The following PEX6 variants were observed in gnomAD, a reference collection of about 807,000 sequenced individuals.
The protein encoded by PEX6 is peroxisomal biogenesis factor 6, also known as peroxisome biogenesis factor 6.
PEX6 carries 55 observed loss-of-function variants against 85.6 expected under a neutral mutation model. The observed-to-expected ratio is 0.64, with a 90% confidence interval of 0.52 to 0.80. The LOEUF (loss-of-function observed/expected upper bound fraction) is 0.80. Ranked by LOEUF, PEX6 falls within the 30% of genes least tolerant of loss-of-function variation. PEX6 has a pLI of 0.00. For synonymous variants in PEX6, 519 were observed against 549.1 expected (o/e 0.95, Z 0.77); for missense variants, 1,099 against 1,260.3 (o/e 0.87, Z 1.94).
In PEX6 at chr6:42,974,912, A is replaced by C; in HGVS notation, c.1009T>G (p.Tyr337Asp). The C allele has an allele frequency of 6.2e-7, 1 of 1,614,058 alleles. No individual in the cohort carries two copies. The highest frequency in any genetic ancestry group is 8.5e-7 in the Non-Finnish European group (1 of 1,179,960). Residue 337 changes from tyrosine (Y) to aspartate (D), a missense_variant, in exon 2 of 17, where the codon TAT (tyrosine) becomes GAT (aspartate). Tyr to Asp is a radical substitution (Grantham distance 160, BLOSUM62 -3). Around this residue, in one of 3 missense-constraint regions of PEX6, gnomAD observed 579 missense variants for 611.6 expected, o/e 0.95. Transcript: ENST00000304611. The part of the protein sequence containing the change: ...SSPHYSTNGN[Y>D]DGVLYRHFQI... The stretch of plus-strand genomic sequence containing the variant: ...AAGTGCCGGTAAAGAACACCGTCAT[A>C]ATTTCCATTAGTGCTGTAGTGGGGA...
At chr6:42,972,306 A>T (rs1182703396) in intron 3 of PEX6, among the ~76,000 whole-genome samples, 1 of 152,202 alleles carries the variant, frequency 6.6e-6, no homozygotes, top group Non-Finnish European at 1.5e-5. Context: ...TCCTCCCTAC[A>T]CATAAGGCTA....
intron 2 of PEX6, among the ~76,000 whole-genome samples, chr6:42,974,453 T>TTC (rs1770193098): frequency 8.4e-6 from 1 of 119,720 alleles, no homozygotes; most frequent in Non-Finnish European, 1.7e-5. Context: ...TTTTTTTTGT[T>TTC]TTTTTTTTTT....
chr6:42,969,137 G>T (rs1280631524), intron 5 of PEX6, 152 bp from the exon 6 acceptor site: 1 of 660,398 alleles, frequency 1.5e-6, no homozygotes, highest in Non-Finnish European at 2.8e-6. Flanking sequence ...CCCATGTAGT[G>T]AGGCTGTGTC....
intron 1 of PEX6, among the ~76,000 whole-genome samples, chr6:42,976,634 A>G (rs1417929134): frequency 6.6e-6 from 1 of 150,950 alleles, no homozygotes; most frequent in Admixed American, 6.6e-5. Context: ...AAGTGCTGGG[A>G]TTACAGGCAT....
chr6:42,966,201 C>T (rs1769795783), intron 11 of PEX6, 41 bp downstream of exon 11: 4 of 1,609,880 alleles, frequency 2.5e-6, no homozygotes, highest in Non-Finnish European at 3.4e-6. Flanking sequence ...CCTGCTGCAG[C>T]CCCTGATCCA....
Position 42,965,716 on chromosome 6 carries a change from C to T in PEX6, c.2436G>A (p.Arg812=), listed in dbSNP as rs61732156. The change falls in exon 13 of 17, where the codon CGG becomes CGA. Residue 812 remains arginine (R), a synonymous_variant. Coordinates refer to ENST00000304611, the MANE Select transcript of PEX6 (RefSeq NM_000287.4). The surrounding 1 kb of genome is among the most constrained non-coding windows in gnomAD (Gnocchi z 5.0). ...FDELDSLAPS[R]GRSGDSGGVM... is the part of the protein sequence containing the mutation. ...CTCCTCCAGAATCTCCACTTCGCCC[C>T]CGGCTTGGGGCCAAAGAGTCCAGTT... 3.0e-4 allele frequency: 491 copies of T among 1,614,138 alleles called. No homozygotes were observed. In the African/African-American group the frequency reaches 5.7e-3, roughly 19 times the overall value.
At chr6:42,975,334 A>G (rs192539494) in intron 1 of PEX6, among the ~76,000 whole-genome samples, 12 of 152,308 alleles carry the variant, frequency 7.9e-5, no homozygotes, top group African/African-American at 2.4e-4. Flanking sequence ...ATTTATTCCC[A>G]CAAGACCTAT....
chr6:42,978,420 A>G lies in PEX6; in HGVS notation c.731T>C (p.Val244Ala), dbSNP rs773850071. Reference sequence around the variant, plus strand: ...AGAGAGGTCCCAGCGAGGTTCTAGGACCTGCACCCTAGCCAAGTGCGGCTG... The same window carrying G: ...AGAGAGGTCCCAGCGAGGTTCTAGGGCCTGCACCCTAGCCAAGTGCGGCTG... ...TSQPHLARVQ[V>A]LEPRWDLSDR... Residue 244 changes from valine (V) to alanine (A), a missense_variant, in exon 1 of 17, where the codon GTC becomes GCC. Transcript: ENST00000304611. The G allele has an allele frequency of 2.5e-6, 4 of 1,613,614 alleles. No individual in the cohort carries two copies. The African/African-American group carries it at 5.4e-5, about 22-fold the overall frequency.
chr6:42,977,649 G>A (rs1305404129), intron 1 of PEX6, among the ~76,000 whole-genome samples: 1 of 150,650 alleles, frequency 6.6e-6, no homozygotes, highest in Non-Finnish European at 1.5e-5. Flanking sequence ...GCGTCGTGGC[G>A]CGAGCCAGTA....
chr6:42,964,460 CT>C lies in PEX6; in HGVS notation c.2817del (p.Gly940ValfsTer5). 1 of 1,613,666 alleles carries C rather than the reference CT, an allele frequency of 6.2e-7. No individual in the cohort carries two copies. Among genetic ancestry groups the C allele is most frequent in the Non-Finnish European group, 8.5e-7 (1 of 1,180,022 alleles). On this transcript the variant is annotated frameshift_variant, in exon 17 of 17. Coordinates refer to ENST00000304611, the MANE Select transcript of PEX6 (RefSeq NM_000287.4). LOFTEE classifies it high-confidence loss of function. The surrounding 1 kb of genome is among the most constrained non-coding windows in gnomAD (Gnocchi z 4.6). The part of the protein sequence containing the change: ...RVHDLEEGLE[P>X]GSSALMLTME... ...ATGGTGAGCATCAGTGCTGAGCTACCTGGCTCCAGCCCTGGAGATGACAAGG... is the reference window on the plus strand; with the variant it reads ...ATGGTGAGCATCAGTGCTGAGCTACCGGCTCCAGCCCTGGAGATGACAAGG...
In PEX6 at chr6:42,968,287, T is replaced by C. The variant is rs111397663; in HGVS notation, c.1688+3A>G. The C allele has an allele frequency of 1.2e-6, 2 of 1,613,284 alleles. No homozygotes were observed. Among genetic ancestry groups the C allele is most frequent in the Middle Eastern group, 1.7e-4 (1 of 6,054 alleles). ...TTTGAGAGGCCCAGCTCTGTATAAG[T>C]ACCTGTTGAGGGGGTCCTCATTGAG... On this transcript the variant is annotated splice_donor_region_variant and intron_variant, in intron 7 of 16. Coordinates refer to ENST00000304611, the MANE Select transcript of PEX6 (RefSeq NM_000287.4).
rs754993800 is a variant in PEX6 at position 42,964,832 on chromosome 6, T to C, written c.2764A>G (p.Met922Val). 2 of 1,614,106 alleles carry C rather than the reference T, an allele frequency of 1.2e-6. No homozygotes were observed. The highest frequency in any genetic ancestry group is 1.7e-5 in the Admixed American group (1 of 60,000). ...ACCCTGCGTTTGAGGGCAGCTGTCATAGCATCAGAGCAGAGAGAGTAGAGG... is the reference window on the plus strand; with the variant it reads ...ACCCTGCGTTTGAGGGCAGCTGTCACAGCATCAGAGCAGAGAGAGTAGAGG... ...ADLYSLCSDA[M>V]TAALKRRVHD... Residue 922 changes from methionine to valine, a missense_variant, in exon 16 of 17, where the codon ATG (methionine) becomes GTG (valine). Transcript: ENST00000304611. This position sits in a 1 kb window ranked among gnomAD's most constrained non-coding sequence, Gnocchi z 4.6.
chr6:42,968,970 T>C lies in PEX6; in HGVS notation c.1383A>G (p.Thr461=), dbSNP rs1470299632. Residue 461 remains threonine, a synonymous_variant, in exon 6 of 17, where the codon ACA becomes ACG. Coordinates refer to ENST00000304611, the MANE Select transcript of PEX6 (RefSeq NM_000287.4). ...PRLQPGGALL[T]GTSSVLLRGP... ...CCCGTAGAAGGACACTGCTAGTTCC[T>C]GTCAGCAGGGCACCCCTGCAACCAG... 1 of 1,613,452 alleles carries C rather than the reference T, an allele frequency of 6.2e-7. No homozygotes were observed. The highest frequency in any genetic ancestry group is 1.1e-5 in the South Asian group (1 of 91,074).
chr6:42,976,776 C>G (rs141373016), intron 1 of PEX6, among the ~76,000 whole-genome samples: 1 of 151,926 alleles, frequency 6.6e-6, no homozygotes, highest in African/African-American at 2.4e-5. Flanking sequence ...ATTATCTGTT[C>G]TACAACTTTC....
rs1561825043 is a variant in PEX6, at chr6:42,971,188, T to C, written c.1131-1201A>G. On this transcript the variant is annotated intron_variant, in intron 3 of 16. Transcript: ENST00000304611. This position sits in a 1 kb window ranked among gnomAD's most constrained non-coding sequence, Gnocchi z 4.4. ...GGGGAAGCATACCAGGTTAGTATTA[T>C]GAAACTCTTCTAAGTACTACAGTAA... Among the ~76,000 whole-genome samples the C allele has an allele frequency of 6.6e-6, 1 of 152,166 alleles. No individual in the cohort carries two copies. The highest frequency in any genetic ancestry group is 1.9e-4 in the East Asian group (1 of 5,204).
At chr6:42,972,712 G>A (rs538340643) in intron 3 of PEX6, among the ~76,000 whole-genome samples, 65 of 149,652 alleles carry the variant, frequency 4.3e-4, no homozygotes, top group Non-Finnish European at 8.4e-4. Context: ...GGAGCTTGCA[G>A]TGAGCCAAGA....
In PEX6 at chr6:42,968,484, G is replaced by T. The variant is rs1769931038; in HGVS notation, c.1494C>A (p.Ser498Arg). The change falls in exon 7 of 17, where the codon AGC (serine) becomes AGA (arginine). Residue 498 changes from serine to arginine, a missense_variant. This residue lies in a region of PEX6 where 514 missense variants were observed against 627.0 expected (regional missense o/e 0.82). Transcript: ENST00000304611. ...CAGCCCCACTACTTTCTGCACAGAG[G>T]CTGGAGCAGGGCACCTGGGGAGGGG... is the stretch of plus-strand genomic sequence containing the variant. ...GLHLLKVPCSSLCAESSGAVE... is the reference protein window; with the variant it reads ...GLHLLKVPCSRLCAESSGAVE... 1 of 1,578,382 alleles carries T rather than the reference G, an allele frequency of 6.3e-7. No homozygotes were observed. Among genetic ancestry groups the T allele is most frequent in the African/African-American group, 1.4e-5 (1 of 74,000 alleles).
chr6:42,974,652 G>A (rs1206882758), intron 2 of PEX6, among the ~76,000 whole-genome samples: 1 of 151,196 alleles, frequency 6.6e-6, no homozygotes, highest in Non-Finnish European at 1.5e-5. Flanking sequence ...TAGTAGAGAC[G>A]GGGTTTCACC....
Position 42,964,273 on chromosome 6 carries a change from CTCTGTGGGCTA to C in PEX6, c.*51_*61del. 6.2e-7 allele frequency: 1 copy of C among 1,600,690 alleles called. No homozygotes were observed. The highest frequency in any genetic ancestry group is 8.6e-7 in the Non-Finnish European group (1 of 1,169,398). ...GGAGGAGCCCTTCCTTCCCAGATCT[CTCTGTGGGCTA>C]TCAAGGTACCTGCAGCCATGCTGAG... On this transcript the variant is annotated 3_prime_UTR_variant, in exon 17 of 17. Coordinates refer to ENST00000304611, the MANE Select transcript of PEX6 (RefSeq NM_000287.4). The surrounding 1 kb of genome is among the most constrained non-coding windows in gnomAD (Gnocchi z 4.6).
Sources: gnomAD v4.1 joint callset for allele counts (sites outside exome capture counted in the v4.1 genomes callset) on GRCh38, gnomAD v4.1.1 for gene constraint, gnomAD v4.1.1 regional missense constraint, Gnocchi (gnomAD v3.1) non-coding constraint, MANE v1.5 for transcripts, NCBI Gene and HGNC (gene_info 2026-07-23, HGNC 2026-07-21) for gene names.